The following PTPRG variants were observed in gnomAD, a reference collection of about 807,000 sequenced individuals.
PTPRG encodes the protein protein tyrosine phosphatase receptor type G.
Under a neutral mutation model 165.3 loss-of-function variants are expected in PTPRG, and 102 were observed. The ratio of observed to expected loss-of-function variants is 0.62; its 90% confidence interval spans 0.53 to 0.73. The LOEUF (loss-of-function observed/expected upper bound fraction) is 0.73, where lower values mean the gene tolerates loss of function less well. Among genes scored for constraint, PTPRG ranks in the 30% least tolerant of loss-of-function variants. PTPRG has a pLI of 0.00. For synonymous variants in PTPRG, 675 were observed against 669.5 expected, an observed-to-expected ratio of 1.01 and a Z score of -0.13; for missense variants, 1,866 against 1,861.4, an observed-to-expected ratio of 1.00 and a Z score of -0.05.
At chr3:61,962,125 T>G (rs2040166341) in intron 2 of PTPRG, among the ~76,000 whole-genome samples, 1 of 152,182 alleles carries the variant, frequency 6.6e-6, no homozygotes, top group African/African-American at 2.4e-5. Flanking sequence ...TAAGCTCACT[T>G]AAGTCCCTTA....
At chr3:61,622,894 C>T (rs529871929) in intron 1 of PTPRG, among the ~76,000 whole-genome samples, 2 of 152,052 alleles carry the variant, frequency 1.3e-5, no homozygotes, top group Non-Finnish European at 2.9e-5. Flanking sequence ...TACATTTGCA[C>T]CCTAAGTACA....
At chr3:61,800,079 TAA>T (rs966704987) in intron 2 of PTPRG, among the ~76,000 whole-genome samples, 1 of 152,124 alleles carries the variant, frequency 6.6e-6, no homozygotes, top group Non-Finnish European at 1.5e-5. Context: ...GAGTGAAAAA[TAA>T]AGACTCTGTG....
intron 28 of PTPRG, among the ~76,000 whole-genome samples, chr3:62,283,355 G>A (rs553685065): frequency 6.6e-6 from 1 of 152,220 alleles, no homozygotes; most frequent in East Asian, 1.9e-4. Flanking sequence ...CTTCAGTACT[G>A]TCTTTTGGGA....
At chr3:61,759,750 T>C (rs1575640807) in intron 2 of PTPRG, among the ~76,000 whole-genome samples, 1 of 152,208 alleles carries the variant, frequency 6.6e-6, no homozygotes, top group Admixed American at 6.5e-5. Context: ...ATGACTCTCC[T>C]GTGATACAAA....
intron 4 of PTPRG, among the ~76,000 whole-genome samples, chr3:62,006,761 G>T (rs1053358354): frequency 6.6e-6 from 1 of 152,050 alleles, no homozygotes; most frequent in African/African-American, 2.4e-5. Flanking sequence ...AAGTGTTATG[G>T]TATTACTTTC....
In PTPRG at chr3:62,222,117, A is replaced by T. The variant is rs1055286103; in HGVS notation, c.2288+3134A>T. 6.6e-6 allele frequency among the ~76,000 whole-genome samples: 1 copy of T among 152,258 alleles called. No individual in the cohort carries two copies. The highest frequency in any genetic ancestry group is 1.9e-4 in the East Asian group (1 of 5,200). On this transcript the variant is annotated intron_variant, in intron 13 of 29. Transcript: ENST00000474889. This position sits in a 1 kb window ranked among gnomAD's most constrained non-coding sequence, Gnocchi z 4.5. ...CCTGCTATGGGCCAAATAGTTGGCAATATCATCACCAGAACCCTTTTGTTG... is the reference window on the plus strand; with the variant it reads ...CCTGCTATGGGCCAAATAGTTGGCATTATCATCACCAGAACCCTTTTGTTG...
Position 62,273,178 on chromosome 3 carries a change from G to A in PTPRG, c.3318+97G>A. On this transcript the variant is annotated intron_variant, in intron 22 of 29. Transcript: ENST00000474889. The surrounding 1 kb of genome is among the most constrained non-coding windows in gnomAD (Gnocchi z 4.1). The stretch of plus-strand genomic sequence containing the variant: ...GAAGAGACAGATTCATTCTTTTAGG[G>A]CTTGCAGTAATTTACAGGTTTGTAT... 7.6e-7 allele frequency: 1 copy of A among 1,321,650 alleles called. No individual in the cohort carries two copies. The highest frequency in any genetic ancestry group is 2.6e-5 in the East Asian group (1 of 38,828). The allele number at this position is 1,321,650 out of a possible 1,614,324, so 81.9% of individuals were successfully genotyped here. A position where few individuals can be genotyped will look rare whatever the true frequency, so the allele number is the denominator to read the frequency against.
intron 14 of PTPRG, among the ~76,000 whole-genome samples, chr3:62,242,799 A>G (rs1332526153): frequency 6.6e-6 from 1 of 152,182 alleles, no homozygotes; most frequent in Non-Finnish European, 1.5e-5. Context: ...GGTAGTTGGA[A>G]TACGGGCCCC....
intron 4 of PTPRG, among the ~76,000 whole-genome samples, chr3:62,076,582 TC>T (rs1701395202): frequency 6.7e-6 from 1 of 148,496 alleles, no homozygotes; most frequent in Non-Finnish European, 1.5e-5. Flanking sequence ...GTTCTCTACA[TC>T]TTTTTTTTTT....
At chr3:61,727,763 T>A (rs1380207530) in intron 1 of PTPRG, among the ~76,000 whole-genome samples, 1 of 152,234 alleles carries the variant, frequency 6.6e-6, no homozygotes, top group African/African-American at 2.4e-5. Flanking sequence ...CAAACAATGG[T>A]ATGTTCTAGG....
chr3:62,221,020 C>T (rs1445047679), intron 13 of PTPRG, among the ~76,000 whole-genome samples: 2 of 152,146 alleles, frequency 1.3e-5, no homozygotes, highest in Non-Finnish European at 2.9e-5. Context: ...CAATACCCAG[C>T]CAGCCAAAAC....
intron 4 of PTPRG, among the ~76,000 whole-genome samples, chr3:62,031,189 C>T (rs545927975): frequency 6.6e-6 from 1 of 152,268 alleles, no homozygotes; most frequent in East Asian, 1.9e-4. Context: ...AGATAGAACT[C>T]ATATTCTAAT....
chr3:61,944,156 G>T (rs962307997), intron 2 of PTPRG, among the ~76,000 whole-genome samples: 1 of 152,022 alleles, frequency 6.6e-6, no homozygotes, highest in Non-Finnish European at 1.5e-5. Context: ...GAGTTCTGCA[G>T]CATCCTGGGT....
At chr3:62,173,183 A>T (rs1412179386) in intron 8 of PTPRG, among the ~76,000 whole-genome samples, 1 of 152,180 alleles carries the variant, frequency 6.6e-6, no homozygotes, top group African/African-American at 2.4e-5. Context: ...ATGCCATGTA[A>T]ATAGTTGTTA....
chr3:61,974,202 C>T (rs930237767), intron 2 of PTPRG, among the ~76,000 whole-genome samples: 1 of 151,882 alleles, frequency 6.6e-6, no homozygotes, highest in African/African-American at 2.4e-5. Context: ...TACACAAAGG[C>T]CTATGGTTTC....
At position 62,214,501 on chromosome 3, in the gene PTPRG, G is replaced by T. The variant is rs1002590254; in HGVS notation, c.2156-4350G>T. ...GAGGAGGAGACTGAGGCACAACGAGGTTAGGTTAGTTGCCCAAAGTTGCAA... is the reference window on the plus strand; with the variant it reads ...GAGGAGGAGACTGAGGCACAACGAGTTTAGGTTAGTTGCCCAAAGTTGCAA... On this transcript the variant is annotated intron_variant, in intron 12 of 29. Coordinates refer to ENST00000474889, the MANE Select transcript of PTPRG (RefSeq NM_002841.4). The surrounding 1 kb of genome is among the most constrained non-coding windows in gnomAD (Gnocchi z 5.2). Among the ~76,000 whole-genome samples the T allele has an allele frequency of 1.3e-5, 2 of 152,236 alleles. No individual in the cohort carries two copies. Among genetic ancestry groups the T allele is most frequent in the Non-Finnish European group, 2.9e-5 (2 of 68,044 alleles).
intron 6 of PTPRG, among the ~76,000 whole-genome samples, chr3:62,153,825 G>A (rs1458697865): frequency 1.3e-5 from 2 of 152,174 alleles, no homozygotes; most frequent in African/African-American, 4.8e-5. Flanking sequence ...ATTTGAACCT[G>A]GGCAGGCTGA....
intron 2 of PTPRG, among the ~76,000 whole-genome samples, chr3:61,966,441 A>G (rs1303846085): frequency 2.6e-5 from 4 of 152,138 alleles, no homozygotes; most frequent in African/African-American, 9.7e-5. Context: ...GTTCATTCAG[A>G]TGGAATGTTG....
chr3:61,925,629 G>A (rs2107571658), intron 2 of PTPRG, among the ~76,000 whole-genome samples: 1 of 152,218 alleles, frequency 6.6e-6, no homozygotes, highest in Non-Finnish European at 1.5e-5. Flanking sequence ...TGTAATCCCA[G>A]CTACTCAGGA....
Sources: allele counts gnomAD v4.1 joint callset (sites outside exome capture counted in the v4.1 genomes callset), GRCh38; gene constraint gnomAD v4.1.1; non-coding constraint Gnocchi (gnomAD v3.1); transcripts MANE v1.5; gene names NCBI Gene and HGNC (gene_info 2026-07-23, HGNC 2026-07-21).